Variants in ADAMTS20 observed in about 807,000 individuals in gnomAD.
ADAMTS20 encodes A disintegrin and metalloproteinase with thrombospondin motifs 20.
ADAMTS20 carries 225 observed loss-of-function variants against 260.1 expected under a neutral mutation model. That is an observed-to-expected ratio of 0.87 (90% confidence interval 0.78 to 0.97). The LOEUF is 0.97. Ranked by LOEUF, ADAMTS20 falls within the 50% of genes least tolerant of loss-of-function variation. The probability of loss-of-function intolerance (pLI) is 0.00; values close to 1 mark genes in which losing one functional copy is unlikely to be tolerated. For synonymous variants in ADAMTS20, 802 were observed against 769.5 expected (o/e 1.04, Z -0.70); for missense variants, 2,400 against 2,337.7 (o/e 1.03, Z -0.55).
intron 37 of ADAMTS20, among the ~76,000 whole-genome samples, chr12:43,357,549 T>C (rs1379140787): frequency 6.6e-6 from 1 of 152,212 alleles, no homozygotes; most frequent in Non-Finnish European, 1.5e-5. Context: ...TCTTATATTG[T>C]ATATTTCTCA....
chr12:43,420,914 T>C (rs917881010), intron 28 of ADAMTS20, among the ~76,000 whole-genome samples: 4 of 150,178 alleles, frequency 2.7e-5, no homozygotes, highest in Non-Finnish European at 5.9e-5. Flanking sequence ...TTCAAGCGAT[T>C]CTTCTGCCTC....
At chr12:43,498,550 C>G (rs1489764887) in intron 4 of ADAMTS20, among the ~76,000 whole-genome samples, 2 of 152,142 alleles carry the variant, frequency 1.3e-5, no homozygotes, top group African/African-American at 4.8e-5. Context: ...CAGAATATCA[C>G]CAATAATCCA....
chr12:43,399,496 G>A (rs1351337671), intron 28 of ADAMTS20, among the ~76,000 whole-genome samples: 7 of 151,980 alleles, frequency 4.6e-5, no homozygotes, highest in Admixed American at 2.6e-4. Flanking sequence ...AATATACCAG[G>A]TACTCTTCTG....
chr12:43,360,202 A>G (rs748912061), intron 37 of ADAMTS20, among the ~76,000 whole-genome samples: 37 of 152,138 alleles, frequency 2.4e-4, no homozygotes, highest in Non-Finnish European at 5.1e-4. Flanking sequence ...TAATCCCTGC[A>G]CTTTGGGAGG....
At chr12:43,495,990 T>C (rs2137436236) in intron 4 of ADAMTS20, among the ~76,000 whole-genome samples, 1 of 152,268 alleles carries the variant, frequency 6.6e-6, no homozygotes, top group Middle Eastern at 3.4e-3. Context: ...TCAATAAAGC[T>C]AAATTGTGAT....
intron 2 of ADAMTS20, among the ~76,000 whole-genome samples, chr12:43,536,489 A>G (rs934598029): frequency 7.0e-6 from 1 of 142,356 alleles, no homozygotes; most frequent in African/African-American, 2.5e-5. Flanking sequence ...ATATAATAGA[A>G]TATGCAATAA....
intron 2 of ADAMTS20, among the ~76,000 whole-genome samples, chr12:43,534,975 A>G (rs1289986911): frequency 6.6e-6 from 1 of 151,938 alleles, no homozygotes; most frequent in Non-Finnish European, 1.5e-5. Context: ...CTGCATCATC[A>G]CACTCAGTCT....
intron 8 of ADAMTS20, 56 bp downstream of exon 8, chr12:43,468,544 C>T: frequency 1.9e-6 from 2 of 1,061,014 alleles, no homozygotes; most frequent in South Asian, 2.7e-5. Context: ...GAATTTCAGG[C>T]ATTCTGTGCA....
At chr12:43,362,260 T>C (rs1348045400) in intron 37 of ADAMTS20, among the ~76,000 whole-genome samples, 46 of 152,128 alleles carry the variant, frequency 3.0e-4, no homozygotes, top group Non-Finnish European at 5.9e-5. Flanking sequence ...AGATTACACA[T>C]CCTTGACTTA....
chr12:43,419,354 T>A (rs940342074), intron 28 of ADAMTS20, among the ~76,000 whole-genome samples: 5 of 152,006 alleles, frequency 3.3e-5, no homozygotes, highest in African/African-American at 1.2e-4. Context: ...AACGTTAATG[T>A]CTGAGTGATG....
intron 11 of ADAMTS20, among the ~76,000 whole-genome samples, chr12:43,460,607 G>A (rs1463978148): frequency 6.6e-6 from 1 of 152,046 alleles, no homozygotes; most frequent in Non-Finnish European, 1.5e-5. Context: ...ACAAACGTAT[G>A]TCTACAAGAA....
At chr12:43,511,563 A>C (rs1053597557) in intron 3 of ADAMTS20, among the ~76,000 whole-genome samples, 3 of 152,072 alleles carry the variant, frequency 2.0e-5, no homozygotes, top group Non-Finnish European at 4.4e-5. Flanking sequence ...GTAGTGAGAG[A>C]GGGAAATGAA....
At chr12:43,452,833 T>C (rs558011240) in intron 12 of ADAMTS20, 138 bp from the exon 13 acceptor site, 1 of 763,008 alleles carries the variant, frequency 1.3e-6, no homozygotes, top group Admixed American at 3.1e-5. Flanking sequence ...GTATGTAACA[T>C]GAGTTTTACG....
intron 2 of ADAMTS20, among the ~76,000 whole-genome samples, chr12:43,538,685 C>A (rs1019282506): frequency 6.6e-6 from 1 of 152,122 alleles, no homozygotes; most frequent in African/African-American, 2.4e-5. Context: ...TTTAACCGAA[C>A]ATTTAAAGCC....
chr12:43,378,848 A>C (rs1340091230), intron 31 of ADAMTS20, among the ~76,000 whole-genome samples: 1 of 152,178 alleles, frequency 6.6e-6, no homozygotes, highest in Non-Finnish European at 1.5e-5. Flanking sequence ...AATGGGCAAA[A>C]TTTGCCCGAT....
In ADAMTS20 at chr12:43,354,105, G is replaced by T; in HGVS notation, c.*104C>A. On this transcript the variant is annotated 3_prime_UTR_variant, in exon 39 of 39. Transcript: ENST00000389420. The stretch of plus-strand genomic sequence containing the variant: ...CTGAAAAAAAGGCAGAGACATATTG[G>T]ACATGGAAATCTCGGGAAGGGAGAT... 1 of 822,506 alleles carries T rather than the reference G, an allele frequency of 1.2e-6. No homozygotes were observed. The highest frequency in any genetic ancestry group is 2.0e-5 in the South Asian group (1 of 49,082). The allele number at this position is 822,506 out of a possible 1,614,324, so 51.0% of individuals were successfully genotyped here.
In ADAMTS20 at chr12:43,430,438, G is replaced by A. The variant is rs757261794; in HGVS notation, c.3295C>T (p.Arg1099Ter). 1.1e-5 allele frequency: 17 copies of A among 1,612,150 alleles called. No individual in the cohort carries two copies. The highest frequency in any genetic ancestry group is 1.4e-5 in the Non-Finnish European group (16 of 1,179,054). The change falls in exon 23 of 39, where the codon CGA (arginine) becomes TGA (stop). Residue 1099 changes from arginine (R) to a stop codon, truncating the protein, a stop_gained. Transcript: ENST00000389420. LOFTEE classifies it high-confidence loss of function. Reference sequence around the variant, plus strand: ...AGCTCATTGACACATTTAACATCTCGCATCTGATACCCATGTCCACATGTG... The same window carrying A: ...AGCTCATTGACACATTTAACATCTCACATCTGATACCCATGTCCACATGTG... ...TTTCGHGYQM[R>*]DVKCVNELAS...
rs1186786993 is a variant in ADAMTS20, at chr12:43,416,769, G to A, written c.4284+8745C>T. Among the ~76,000 whole-genome samples, 7 of 151,808 alleles carry A rather than the reference G, an allele frequency of 4.6e-5. No individual in the cohort carries two copies. In the South Asian group the frequency reaches 1.0e-3, roughly 23 times the overall value. The stretch of plus-strand genomic sequence containing the variant: ...GATCTCCTGACCTCGTGATCCGACC[G>A]CCTCGGCCTCCCAAAGTGCTGGGAT... On this transcript the variant is annotated intron_variant, in intron 28 of 38. Coordinates refer to ENST00000389420, the MANE Select transcript of ADAMTS20 (RefSeq NM_025003.5).
intron 37 of ADAMTS20, among the ~76,000 whole-genome samples, chr12:43,364,600 G>A (rs566717296): frequency 3.9e-5 from 6 of 152,150 alleles, no homozygotes; most frequent in South Asian, 2.1e-4. Flanking sequence ...AATTCACAAA[G>A]GGGCTGAAAT....
Sources: allele counts gnomAD v4.1 joint callset (sites outside exome capture counted in the v4.1 genomes callset), GRCh38; gene constraint gnomAD v4.1.1; transcripts MANE v1.5; gene names NCBI Gene and HGNC (gene_info 2026-07-23, HGNC 2026-07-21).